The following ZBTB7C variants were observed in gnomAD, a reference collection of about 807,000 sequenced individuals.
ZBTB7C encodes zinc finger and BTB domain-containing protein 7C.
ZBTB7C carries 8 observed loss-of-function variants against 25.7 expected under a neutral mutation model. The observed-to-expected ratio is 0.31, with a 90% CI of 0.18 to 0.56. The LOEUF is 0.56. ZBTB7C is among the 20% of genes least tolerant of loss of function. The probability of loss-of-function intolerance (pLI) is 0.91; values close to 1 mark genes in which losing one functional copy is unlikely to be tolerated. For synonymous variants in ZBTB7C, 394 were observed against 369.0 expected, an observed-to-expected ratio of 1.07 and a Z score of -0.78; for missense variants, 824 against 855.2, an observed-to-expected ratio of 0.96 and a Z score of 0.46.
chr18:48,396,612 G>A (rs1027510445), intron 1 of ZBTB7C, among the ~76,000 whole-genome samples: 2 of 152,192 alleles, frequency 1.3e-5, no homozygotes. Flanking sequence ...TCCACCGAAG[G>A]AAGCATATGC....
rs550901583 is a variant in ZBTB7C at position 48,400,627 on chromosome 18, T to C, written c.-304+8599A>G. Among the ~76,000 whole-genome samples the C allele has an allele frequency of 4.6e-5, 7 of 152,336 alleles. No individual in the cohort carries two copies. In the East Asian group the frequency reaches 1.3e-3, roughly 29 times the overall value. On this transcript the variant is annotated intron_variant, in intron 1 of 4. Transcript: ENST00000590800. The stretch of plus-strand genomic sequence containing the variant: ...CCCGCAACCTGTGTCCTGGGTTCAC[T>C]GCATTGTCTGGTAGGCAGCCACTAG...
chr18:48,274,984 C>T (rs1454212958), intron 2 of ZBTB7C, among the ~76,000 whole-genome samples: 1 of 152,228 alleles, frequency 6.6e-6, no homozygotes, highest in Non-Finnish European at 1.5e-5. Flanking sequence ...CCGGCCTTTC[C>T]TTTCATAGGG....
At chr18:48,292,567 A>G (rs2045263045) in intron 2 of ZBTB7C, among the ~76,000 whole-genome samples, 1 of 152,174 alleles carries the variant, frequency 6.6e-6, no homozygotes, top group Non-Finnish European at 1.5e-5. Context: ...AGCAGAGAGA[A>G]GAGATGCTGT....
chr18:48,411,132 CG>C (rs2048381472), upstream of ZBTB7C, among the ~76,000 whole-genome samples: 1 of 151,976 alleles, frequency 6.6e-6, no homozygotes, highest in Non-Finnish European at 1.5e-5. Flanking sequence ...CAAGGGAAAA[CG>C]GGCTCTGGAA....
At chr18:48,407,451 C>T (rs776909207) in intron 1 of ZBTB7C, among the ~76,000 whole-genome samples, 1 of 152,134 alleles carries the variant, frequency 6.6e-6, no homozygotes, top group Non-Finnish European at 1.5e-5. Context: ...ATACCACATT[C>T]GCTGGCAAGC....
intron 3 of ZBTB7C, among the ~76,000 whole-genome samples, chr18:48,069,947 A>G (rs898250916): frequency 6.6e-6 from 1 of 152,122 alleles, no homozygotes; most frequent in Non-Finnish European, 1.5e-5. Context: ...CTCTTTATGT[A>G]CATGCTGTCC....
chr18:48,081,693 C>A (rs999466443), intron 3 of ZBTB7C, among the ~76,000 whole-genome samples: 1 of 152,062 alleles, frequency 6.6e-6, no homozygotes, highest in Non-Finnish European at 1.5e-5. Context: ...AGGGGTCCAG[C>A]ATCAAATTAA....
intron 3 of ZBTB7C, among the ~76,000 whole-genome samples, chr18:48,095,375 C>T (rs1033041896): frequency 1.3e-5 from 2 of 152,102 alleles, no homozygotes; most frequent in African/African-American, 4.8e-5. Context: ...GAGAGGAGAG[C>T]CCTGGAGCAG....
chr18:48,361,771 CG>C (rs1190287396), intron 1 of ZBTB7C, among the ~76,000 whole-genome samples: 2 of 152,212 alleles, frequency 1.3e-5, no homozygotes, highest in Non-Finnish European at 2.9e-5. Context: ...CCAGGGCATT[CG>C]GCTGCTCAGA....
chr18:48,339,702 C>A (rs542012152), intron 1 of ZBTB7C, among the ~76,000 whole-genome samples: 11 of 152,102 alleles, frequency 7.2e-5, no homozygotes, highest in African/African-American at 2.4e-4. Context: ...GGCCTGTTTG[C>A]CCTGCTATGG....
At chr18:48,097,845 C>T (rs2038694188) in intron 3 of ZBTB7C, among the ~76,000 whole-genome samples, 2 of 151,944 alleles carry the variant, frequency 1.3e-5, no homozygotes, top group African/African-American at 2.4e-5. Context: ...TCAGCTTAAG[C>T]TACCTTGAGT....
At chr18:48,137,243 A>C in intron 3 of ZBTB7C, 3 of 985,488 alleles carry the variant, frequency 3.0e-6, no homozygotes, top group Non-Finnish European at 3.6e-6. Flanking sequence ...GTCCACCTGT[A>C]CTGTTAAGCG....
intron 2 of ZBTB7C, among the ~76,000 whole-genome samples, chr18:48,262,029 A>G (rs1598729010): frequency 6.8e-6 from 1 of 146,528 alleles, no homozygotes; most frequent in Non-Finnish European, 1.5e-5. Context: ...ACCTTCCAGT[A>G]TATCTAGTCA....
At chr18:48,277,417 CAG>C (rs2044696451) in intron 2 of ZBTB7C, among the ~76,000 whole-genome samples, 3 of 151,998 alleles carry the variant, frequency 2.0e-5, no homozygotes, top group African/African-American at 7.3e-5. Flanking sequence ...CACTGGCCAT[CAG>C]AGAAATGCAA....
chr18:48,401,823 C>T (rs948432916), intron 1 of ZBTB7C, among the ~76,000 whole-genome samples: 3 of 152,094 alleles, frequency 2.0e-5, no homozygotes. Flanking sequence ...GTGCTCCTAG[C>T]CCCCTAAATC....
chr18:48,352,952 T>C (rs959458730), intron 1 of ZBTB7C, among the ~76,000 whole-genome samples: 8 of 152,134 alleles, frequency 5.3e-5, no homozygotes, highest in African/African-American at 1.9e-4. Flanking sequence ...GATATCTGAA[T>C]ATGAGAATCA....
At chr18:48,177,614 G>A (rs563809943) in intron 3 of ZBTB7C, among the ~76,000 whole-genome samples, 40 of 152,076 alleles carry the variant, frequency 2.6e-4, no homozygotes, top group Non-Finnish European at 5.1e-4. Context: ...TGTGAGCTGT[G>A]GACTTTCTTG....
intron 2 of ZBTB7C, among the ~76,000 whole-genome samples, chr18:48,303,351 T>C (rs941891570): frequency 3.9e-5 from 6 of 152,162 alleles, no homozygotes; most frequent in African/African-American, 1.2e-4. Flanking sequence ...GGGGCTCCTT[T>C]TTATCTCCAG....
At chr18:48,106,173 A>G (rs1218263116) in intron 3 of ZBTB7C, among the ~76,000 whole-genome samples, 2 of 152,146 alleles carry the variant, frequency 1.3e-5, no homozygotes. Flanking sequence ...GAGGGATTGA[A>G]CAATTCTAGC....
Sources: allele counts gnomAD v4.1 joint callset (sites outside exome capture counted in the v4.1 genomes callset), GRCh38; gene constraint gnomAD v4.1.1; transcripts MANE v1.5; gene names NCBI Gene and HGNC (gene_info 2026-07-23, HGNC 2026-07-21).